The following NLRP2 variants were observed in gnomAD, a reference collection of about 807,000 sequenced individuals.
The protein encoded by NLRP2 is NACHT, LRR and PYD domains-containing protein 2.
A neutral mutation model predicts 97.2 loss-of-function variants in NLRP2; 107 were observed. That is an observed-to-expected ratio of 1.10 (90% CI 0.94 to 1.29). The LOEUF (loss-of-function observed/expected upper bound fraction) is 1.29, where lower values mean the gene tolerates loss of function less well. NLRP2 is among the 50% of genes most tolerant of loss of function. NLRP2 has a pLI of 0.00. For missense variants in NLRP2, 1,495 were observed against 1,330.3 expected, an observed-to-expected ratio of 1.12 and a Z score of -1.93; for synonymous variants, 663 against 551.5, an observed-to-expected ratio of 1.20 and a Z score of -2.83.
chr19:54,966,664 G>A (rs1378988698), intron 1 of NLRP2, among the ~76,000 whole-genome samples, 197 bp downstream of exon 1: 4 of 151,770 alleles, frequency 2.6e-5, no homozygotes, highest in Non-Finnish European at 5.9e-5. Context: ...TCCTGCCTCA[G>A]CCTCCCGAGT....
intron 2 of NLRP2, among the ~76,000 whole-genome samples, chr19:54,970,631 G>C (rs1304080484): frequency 6.6e-6 from 1 of 151,776 alleles, no homozygotes; most frequent in Non-Finnish European, 1.5e-5. Context: ...ACCCCAGCCT[G>C]GGCAACAAGA....
chr19:54,972,957 G>A (rs1387271777), intron 2 of NLRP2, among the ~76,000 whole-genome samples: 8 of 152,116 alleles, frequency 5.3e-5, no homozygotes. Flanking sequence ...GGGAGGCCAA[G>A]GCGGGTGGAT....
At chr19:54,974,153 A>G (rs2071049143) in intron 2 of NLRP2, 1 of 624,154 alleles carries the variant, frequency 1.6e-6, no homozygotes, top group East Asian at 3.4e-5. Flanking sequence ...CAGGAGTCTG[A>G]GACCAGCCTG....
chr19:54,984,981 A>G, intron 6 of NLRP2, 66 bp from the exon 7 acceptor site: 1 of 1,527,160 alleles, frequency 6.5e-7, no homozygotes, highest in South Asian at 1.1e-5. Flanking sequence ...ATGCCCAGAG[A>G]AACCCTAAAT....
At chr19:54,998,652 T>TTTTTTCTTTTTTTTTTTTTTTTTTTTTA (rs2072995761) in intron 12 of NLRP2, among the ~76,000 whole-genome samples, 1 of 110,272 alleles carries the variant, frequency 9.1e-6, no homozygotes, top group Non-Finnish European at 1.9e-5. Flanking sequence ...TTTTTTTTTT[T>TTTTTTCTTTTTTTTTTTTTTTTTTTTTA]ATTGATCATT....
At position 54,984,431 on chromosome 19, in the gene NLRP2, C is replaced by CACG. The variant is rs1043433421; in HGVS notation, c.2031-615_2031-613dup. Among the ~76,000 whole-genome samples the CACG allele has an allele frequency of 6.5e-5, 9 of 138,158 alleles. No homozygotes were observed. In the Admixed American group the frequency reaches 6.9e-4, roughly 11 times the overall value. The allele number at this position is 138,158 out of a possible 152,430, so 90.6% of individuals were successfully genotyped here. ...CTGAGATTACAGGCATGAGTTACCA[C>CACG]ACGCCCTGCCTGAATATTTCTTATT... On this transcript the variant is annotated intron_variant, in intron 6 of 12. Transcript: ENST00000448584.
intron 8 of NLRP2, among the ~76,000 whole-genome samples, chr19:54,988,309 T>G (rs1162006111): frequency 6.6e-6 from 1 of 152,142 alleles, no homozygotes; most frequent in African/African-American, 2.4e-5. Context: ...TCTTTTTTTC[T>G]CAAGATATAG....
At position 54,990,030 on chromosome 19, in the gene NLRP2, C is replaced by T. The variant is rs557625923; in HGVS notation, c.2375C>T (p.Ser792Phe). ...TCCTATTTCTCCCACAGGTTGGTGT[C>T]TTGTTCCGCTACCACTCAGCAGTGG... is the stretch of plus-strand genomic sequence containing the variant. ...ECNLRYLGLV[S>F]CSATTQQWAD... Residue 792 changes from serine to phenylalanine, a missense_variant, in exon 9 of 13, where the codon TCT becomes TTT. Transcript: ENST00000448584. The T allele has an allele frequency of 1.2e-6, 2 of 1,613,498 alleles. No individual in the cohort carries two copies. Among genetic ancestry groups the T allele is most frequent in the East Asian group, 4.5e-5 (2 of 44,862 alleles).
chr19:54,980,345 G>A lies in NLRP2; in HGVS notation c.398-1272G>A, dbSNP rs536603879. 6.6e-5 allele frequency among the ~76,000 whole-genome samples: 10 copies of A among 151,436 alleles called. No individual in the cohort carries two copies. In the South Asian group the frequency reaches 1.0e-3, roughly 16 times the overall value. ...CCAGTAGCTGGGACTACAGGCGCCC[G>A]CCACACGCCCGGCTAATTTTTTGTA... On this transcript the variant is annotated intron_variant, in intron 4 of 12. Transcript: ENST00000448584.
At chr19:54,979,053 T>C (rs2071416623) in intron 4 of NLRP2, among the ~76,000 whole-genome samples, 1 of 151,656 alleles carries the variant, frequency 6.6e-6, no homozygotes, top group Non-Finnish European at 1.5e-5. Context: ...GGCCCCATCT[T>C]GGCTCACTGC....
In NLRP2 at chr19:55,000,500, G is replaced by A. The variant is rs574829379; in HGVS notation, c.3051-260G>A. On this transcript the variant is annotated intron_variant, in intron 12 of 12. Coordinates refer to ENST00000448584, the MANE Select transcript of NLRP2 (RefSeq NM_017852.5). ...TCACCGTGTTAGCCAGGATGGTCTT[G>A]ATCTGCTGACCTCGTGATCCACCCG... is the stretch of plus-strand genomic sequence containing the variant. Among the ~76,000 whole-genome samples, 1,278 of 149,650 alleles carry A rather than the reference G, an allele frequency of 8.5e-3. 14 individuals are homozygous for A. Among genetic ancestry groups the A allele is most frequent in the African/African-American group, 0.03 (1,228 of 40,644 alleles).
intron 3 of NLRP2, among the ~76,000 whole-genome samples, chr19:54,975,914 CTAA>C (rs1300236247): frequency 6.6e-6 from 1 of 151,912 alleles, no homozygotes; most frequent in African/African-American, 2.4e-5. Context: ...CCACACCTGA[CTAA>C]TATTTGTATT....
In NLRP2 at chr19:54,986,384, T is replaced by A. The variant is rs1038782011; in HGVS notation, c.2366+69T>A. 14 of 1,474,238 alleles carry A rather than the reference T, an allele frequency of 9.5e-6. No individual in the cohort carries two copies. In the South Asian group the frequency reaches 1.6e-4, roughly 17 times the overall value. 91.3% of individuals were successfully genotyped at this position (1,474,238 alleles called of 1,614,324 possible). ...GCTACCACAAGCTTATGTGGCAATT[T>A]TGTGTAAATAAGAAAAAGTTCGTTA... is the stretch of plus-strand genomic sequence containing the variant. On this transcript the variant is annotated intron_variant, in intron 8 of 12. Coordinates refer to ENST00000448584, the MANE Select transcript of NLRP2 (RefSeq NM_017852.5).
chr19:54,982,057 C>T (rs1248033299), intron 5 of NLRP2, 105 bp from the exon 6 acceptor site: 9 of 1,425,068 alleles, frequency 6.3e-6, no homozygotes, highest in Middle Eastern at 2.4e-4. Flanking sequence ...GGATTACAGG[C>T]ATGAGCCACT....
chr19:54,969,063 A>C (rs1403043381), intron 1 of NLRP2, among the ~76,000 whole-genome samples: 1 of 152,000 alleles, frequency 6.6e-6, no homozygotes, highest in Admixed American at 6.6e-5. Flanking sequence ...TGGGTGATCC[A>C]CGTAGCTCCC....
intron 1 of NLRP2, among the ~76,000 whole-genome samples, chr19:54,966,825 CTTTTT>C (rs1044701142): frequency 8.0e-5 from 6 of 74,994 alleles, no homozygotes; most frequent in East Asian, 4.6e-4. Context: ...CGCGCCCAGC[CTTTTT>C]TTTTTTTTTT....
At chr19:54,971,279 C>A (rs1351781022) in intron 2 of NLRP2, among the ~76,000 whole-genome samples, 1 of 149,638 alleles carries the variant, frequency 6.7e-6, no homozygotes, top group Non-Finnish European at 1.5e-5. Context: ...CTGCAATAAA[C>A]ATACGTGTGC....
At chr19:54,998,611 C>CTTTTTTTTTTTTTTTTTTCTTTTTTT (rs2072984096) in intron 12 of NLRP2, among the ~76,000 whole-genome samples, 3 of 42,198 alleles carry the variant, frequency 7.1e-5, no homozygotes, top group Non-Finnish European at 1.4e-4. Flanking sequence ...CATCTTTTTT[C>CTTTTTTTTTTTTTTTTTTCTTTTTTT]TTTTTTTTTT....
At position 54,982,621 on chromosome 19, in the gene NLRP2, G is replaced by A; in HGVS notation, c.923G>A (p.Trp308Ter). 5.0e-6 allele frequency: 8 copies of A among 1,614,166 alleles called. No homozygotes were observed. The highest frequency in any genetic ancestry group is 5.9e-6 in the Non-Finnish European group (7 of 1,180,038). Reference sequence around the variant, plus strand: ...CTGATCGAGGACATCTGCGGGGACTGGGAGAAGAAGAAGCCGGTGCCCGTC... The same window carrying A: ...CTGATCGAGGACATCTGCGGGGACTAGGAGAAGAAGAAGCCGGTGCCCGTC... ...GALIEDICGDWEKKKPVPVLL... is the reference protein window; with the variant it reads ...GALIEDICGD Residue 308 changes from tryptophan to a stop codon, truncating the protein, a stop_gained, in exon 6 of 13, where the codon TGG becomes TAG. Coordinates refer to ENST00000448584, the MANE Select transcript of NLRP2 (RefSeq NM_017852.5). LOFTEE classifies it high-confidence loss of function.
Sources: gnomAD v4.1 joint callset for allele counts (sites outside exome capture counted in the v4.1 genomes callset) on GRCh38, gnomAD v4.1.1 for gene constraint, MANE v1.5 for transcripts, NCBI Gene and HGNC (gene_info 2026-07-23, HGNC 2026-07-21) for gene names.